The following KCNH3 variants were observed in gnomAD, a reference collection of about 807,000 sequenced individuals.
KCNH3 encodes the protein potassium voltage-gated channel subfamily H member 3, also known as voltage-gated inwardly rectifying potassium channel KCNH3.
In KCNH3, 36 loss-of-function variants were observed where a neutral mutation model predicts 95.6. That is an observed-to-expected ratio of 0.38 (90% CI 0.29 to 0.50). The LOEUF (loss-of-function observed/expected upper bound fraction) is 0.50, where lower values mean the gene tolerates loss of function less well. Among genes scored for constraint, KCNH3 ranks in the 20% least tolerant of loss-of-function variants. The pLI is 0.95. For missense variants in KCNH3, 1,030 were observed against 1,484.1 expected (o/e 0.69, Z 5.03); for synonymous variants, 620 against 646.3 (o/e 0.96, Z 0.62).
intron 4 of KCNH3, among the ~76,000 whole-genome samples, chr12:49,543,068 G>C (rs1294865056): frequency 6.6e-6 from 1 of 152,220 alleles, no homozygotes; most frequent in African/African-American, 2.4e-5. Context: ...CCCCTAAGCA[G>C]CTGTGTGGCC....
chr12:49,554,170 G>A (rs997353542), intron 10 of KCNH3, among the ~76,000 whole-genome samples, 167 bp from the exon 11 acceptor site: 28 of 152,340 alleles, frequency 1.8e-4, no homozygotes, highest in South Asian at 1.2e-3. Flanking sequence ...GGCTGCAGGC[G>A]TCAGGCCATG....
In KCNH3 at chr12:49,554,428, G is replaced by A. The variant is rs1938363100; in HGVS notation, c.2010G>A (p.Leu670=). The A allele has an allele frequency of 2.5e-6, 4 of 1,613,114 alleles. No homozygotes were observed. Among genetic ancestry groups the A allele is most frequent in the Non-Finnish European group, 3.4e-6 (4 of 1,180,050 alleles). The part of the protein sequence containing the change: ...ADVKGLTYCV[L]QCLQLAGLHD... ...TGAAGGGGCTGACGTACTGCGTCCT[G>A]CAGTGTCTGCAGCTGGCTGGCCTGC... The change falls in exon 11 of 15, where the codon CTG becomes CTA. Residue 670 remains leucine, a synonymous_variant. Coordinates refer to ENST00000257981, the MANE Select transcript of KCNH3 (RefSeq NM_012284.3).
chr12:49,540,857 C>T, intron 1 of KCNH3, 42 bp from the exon 2 acceptor site: 2 of 1,528,038 alleles, frequency 1.3e-6, no homozygotes, highest in Non-Finnish European at 1.8e-6. Flanking sequence ...AGGCCTCCTG[C>T]CCCTTCACCC....
chr12:49,558,325 T>A lies in KCNH3; in HGVS notation c.*372T>A, dbSNP rs1938560091. The A allele has an allele frequency of 7.4e-6, 3 of 404,704 alleles. No individual in the cohort carries two copies. The highest frequency in any genetic ancestry group is 1.3e-5 in the Non-Finnish European group (3 of 230,346). The allele number at this position is 404,704 out of a possible 1,614,324, so 25.1% of individuals were successfully genotyped here. On this transcript the variant is annotated 3_prime_UTR_variant, in exon 15 of 15. Coordinates refer to ENST00000257981, the MANE Select transcript of KCNH3 (RefSeq NM_012284.3). ...ACTTTGGAACCTGGTGCTTTTTATT[T>A]ACAAAAGAAAAACAATAAAAGAAGA... is the stretch of plus-strand genomic sequence containing the variant.
chr12:49,543,690 A>G, intron 5 of KCNH3, 172 bp downstream of exon 5: 3 of 1,078,816 alleles, frequency 2.8e-6, no homozygotes, highest in South Asian at 1.6e-5. Flanking sequence ...CTTAGAAGTT[A>G]TATGACCTTG....
chr12:49,541,577 AC>A (rs1937872147), intron 2 of KCNH3, 52 bp from the exon 3 acceptor site: 1 of 1,593,554 alleles, frequency 6.3e-7, no homozygotes, highest in African/African-American at 1.3e-5. Flanking sequence ...GGCCTCTGTC[AC>A]CTCAGGCAGT....
chr12:49,543,706 G>A, intron 5 of KCNH3, 188 bp downstream of exon 5: 4 of 1,039,148 alleles, frequency 3.8e-6, no homozygotes, highest in Non-Finnish European at 5.4e-6. Context: ...CCTTGAGCTG[G>A]TCAAAGCCTC....
In KCNH3 at chr12:49,557,307, C is replaced by T. The variant is rs202118867; in HGVS notation, c.2653-47C>T. 4.1e-4 allele frequency: 656 copies of T among 1,613,538 alleles called. 1 individual carries two copies. Among genetic ancestry groups the T allele is most frequent in the South Asian group, 5.1e-4 (46 of 91,044 alleles). On this transcript the variant is annotated intron_variant, in intron 14 of 14. Transcript: ENST00000257981. Reference sequence around the variant, plus strand: ...GTGAGGGGGGCACCAGGGGAAGGCACTCCATGGCTGACTCCATTCTGACCT... The same window carrying T: ...GTGAGGGGGGCACCAGGGGAAGGCATTCCATGGCTGACTCCATTCTGACCT...
chr12:49,557,691 C>A lies in KCNH3; in HGVS notation c.2990C>A (p.Thr997Asn), dbSNP rs763771431. Reference protein sequence around the residue: ...WPRATAFWTSTSDSEPPASGD... With the variant: ...WPRATAFWTSNSDSEPPASGD... ...CGAGCCACAGCTTTCTGGACCTCCA[C>A]CTCAGACTCAGAGCCCCCTGCCTCA... Residue 997 changes from threonine to asparagine, a missense_variant, in exon 15 of 15, where the codon ACC (threonine) becomes AAC (asparagine). This residue lies in a region of KCNH3 where 464 missense variants were observed against 493.2 expected (regional missense o/e 0.94). Transcript: ENST00000257981. The A allele has an allele frequency of 1.2e-6, 2 of 1,613,758 alleles. No individual in the cohort carries two copies. Among genetic ancestry groups the A allele is most frequent in the Non-Finnish European group, 1.7e-6 (2 of 1,180,008 alleles).
chr12:49,549,332 G>A, intron 8 of KCNH3, 109 bp from the exon 9 acceptor site: 1 of 1,463,720 alleles, frequency 6.8e-7, no homozygotes, highest in Non-Finnish European at 9.3e-7. Flanking sequence ...CCCGCACAGC[G>A]GCCTTCAGGC....
At position 49,557,438 on chromosome 12, in the gene KCNH3, C is replaced by A; in HGVS notation, c.2737C>A (p.His913Asn). The change falls in exon 15 of 15, where the codon CAC becomes AAC. Residue 913 changes from histidine to asparagine, a missense_variant. Physicochemically the swap from His to Asn is moderately conservative, Grantham distance 68 (BLOSUM62 1). This residue lies in a region of KCNH3 where 464 missense variants were observed against 493.2 expected (regional missense o/e 0.94). Transcript: ENST00000257981. ...RQAVQLVLAP[H>N]REGPCPRASG... ...GGCTGTGCAGCTTGTCCTGGCGCCC[C>A]ACAGGGAGGGTCCGTGCCCTCGGGC... 1 of 1,608,108 alleles carries A rather than the reference C, an allele frequency of 6.2e-7. No homozygotes were observed. The highest frequency in any genetic ancestry group is 8.5e-7 in the Non-Finnish European group (1 of 1,176,778).
chr12:49,554,228 A>T, intron 10 of KCNH3, 109 bp from the exon 11 acceptor site: 2 of 853,286 alleles, frequency 2.3e-6, no homozygotes, highest in Non-Finnish European at 3.9e-6. Flanking sequence ...GGCTTCAGCT[A>T]CAGAGGCCCA....
At chr12:49,556,671 A>G in intron 13 of KCNH3, 195 bp downstream of exon 13, 1 of 700,484 alleles carries the variant, frequency 1.4e-6, no homozygotes, top group Non-Finnish European at 2.6e-6. Context: ...ATTTCGACGC[A>G]GCCAGGAACT....
rs774681308 is a variant in KCNH3 at position 49,549,638 on chromosome 12, G to C, written c.1666G>C (p.Glu556Gln). 6 of 1,607,792 alleles carry C rather than the reference G, an allele frequency of 3.7e-6. No individual in the cohort carries two copies. The highest frequency in any genetic ancestry group is 1.1e-5 in the South Asian group (1 of 91,002). Residue 556 changes from glutamate (E) to glutamine (Q), a missense_variant and splice_region_variant, in exon 9 of 15, where the codon GAG becomes CAG. Coordinates refer to ENST00000257981, the MANE Select transcript of KCNH3 (RefSeq NM_012284.3). The stretch of plus-strand genomic sequence containing the variant: ...GGTGAACAATGGCATCGACACCACC[G>C]AGGTGCGGCCTCCGGGGCTGGGCCT... ...WAVNNGIDTT[E>Q]LLQSLPDELR...
chr12:49,540,871 G>T (rs754743462), intron 1 of KCNH3, 28 bp from the exon 2 acceptor site: 34 of 1,588,940 alleles, frequency 2.1e-5, no homozygotes, highest in Non-Finnish European at 2.8e-5. Flanking sequence ...TTCACCCCAC[G>T]CCTCCTCTGA....
intron 10 of KCNH3, among the ~76,000 whole-genome samples, 195 bp downstream of exon 10, chr12:49,550,524 G>A (rs1193033466): frequency 6.6e-6 from 1 of 152,206 alleles, no homozygotes; most frequent in African/African-American, 2.4e-5. Context: ...GCGTAAGTAG[G>A]TGGACACGAT....
At position 49,550,062 on chromosome 12, in the gene KCNH3, G is replaced by A. The variant is rs367974066; in HGVS notation, c.1669-18G>A. 3.0e-4 allele frequency: 153 copies of A among 503,740 alleles called. 1 individual carries two copies. The highest frequency in any genetic ancestry group is 2.4e-3 in the African/African-American group (98 of 40,572). 31.2% of individuals were successfully genotyped at this position (503,740 alleles called of 1,614,324 possible). ...TGCCACTCCCAACCCCCCCACCCCC[G>A]CACCTGCTCACCTGCAGCTGCTGCA... is the stretch of plus-strand genomic sequence containing the variant. On this transcript the variant is annotated intron_variant, in intron 9 of 14. Coordinates refer to ENST00000257981, the MANE Select transcript of KCNH3 (RefSeq NM_012284.3).
chr12:49,543,950 A>G lies in KCNH3; in HGVS notation c.859A>G (p.Lys287Glu). ...GAATTTCCGTACCACATTCGTGTCCAAGTCGGGCCAGGTGGTGTTTGCCCC... is the reference window on the plus strand; with the variant it reads ...GAATTTCCGTACCACATTCGTGTCCGAGTCGGGCCAGGTGGTGTTTGCCCC... ...VLNFRTTFVS[K>E]SGQVVFAPKS... is the part of the protein sequence containing the mutation. Residue 287 changes from lysine to glutamate, a missense_variant, in exon 6 of 15, where the codon AAG becomes GAG. Physicochemically the swap from Lys to Glu is moderately conservative, Grantham distance 56. This residue lies in a region of KCNH3 where 153 missense variants were observed against 288.5 expected (regional missense o/e 0.53). Coordinates refer to ENST00000257981, the MANE Select transcript of KCNH3 (RefSeq NM_012284.3). 1 of 1,612,944 alleles carries G rather than the reference A, an allele frequency of 6.2e-7. No individual in the cohort carries two copies. Among genetic ancestry groups the G allele is most frequent in the Non-Finnish European group, 8.5e-7 (1 of 1,178,924 alleles).
intron 11 of KCNH3, 125 bp from the exon 12 acceptor site, chr12:49,555,495 T>C (rs1235847696): frequency 1.9e-6 from 1 of 517,772 alleles, no homozygotes; most frequent in Non-Finnish European, 3.4e-6. Flanking sequence ...TCAGTTAGAA[T>C]AGATGTTGGC....
Sources: allele counts gnomAD v4.1 joint callset (sites outside exome capture counted in the v4.1 genomes callset), GRCh38; gene constraint gnomAD v4.1.1; regional missense constraint gnomAD v4.1.1; transcripts MANE v1.5; gene names NCBI Gene and HGNC (gene_info 2026-07-23, HGNC 2026-07-21).